The following PRKAR2B variants were observed in gnomAD, a reference collection of about 807,000 sequenced individuals.
PRKAR2B encodes the protein cAMP-dependent protein kinase type II-beta regulatory subunit.
PRKAR2B carries 14 observed loss-of-function variants against 49.9 expected under a neutral mutation model. That is an observed-to-expected ratio of 0.28 (90% CI 0.19 to 0.44). PRKAR2B has a LOEUF of 0.44. Among genes scored for constraint, PRKAR2B ranks in the 20% least tolerant of loss-of-function variants. The pLI is 1.00. For synonymous variants in PRKAR2B, 196 were observed against 197.7 expected (o/e 0.99, Z 0.07); for missense variants, 393 against 537.9 (o/e 0.73, Z 2.67).
At chr7:107,049,789 C>G (rs889102139) in intron 1 of PRKAR2B, among the ~76,000 whole-genome samples, 1 of 151,998 alleles carries the variant, frequency 6.6e-6, no homozygotes, top group African/African-American at 2.4e-5. Context: ...TAGCTAAGAG[C>G]TCCAGGATTT....
intron 2 of PRKAR2B, among the ~76,000 whole-genome samples, chr7:107,072,598 G>A (rs1794300697): frequency 6.6e-6 from 1 of 152,090 alleles, no homozygotes; most frequent in Admixed American, 6.6e-5. Flanking sequence ...AAATGTTTTT[G>A]ACAAAGAATA....
At chr7:107,102,431 A>T (rs568245084) in intron 2 of PRKAR2B, among the ~76,000 whole-genome samples, 13 of 152,028 alleles carry the variant, frequency 8.6e-5, no homozygotes, top group Non-Finnish European at 1.5e-4. Flanking sequence ...GCTTTGGGCC[A>T]CTCTGCCTGT....
Position 107,161,114 on chromosome 7 carries a change from A to G in PRKAR2B, c.*1532A>G, listed in dbSNP as rs1796189995. The G allele has an allele frequency of 6.6e-6, 1 of 152,250 alleles. No homozygotes were observed. The highest frequency in any genetic ancestry group is 2.4e-5 in the African/African-American group (1 of 41,472). 9.4% of individuals were successfully genotyped at this position (152,250 alleles called of 1,614,324 possible). On this transcript the variant is annotated 3_prime_UTR_variant, in exon 11 of 11. Transcript: ENST00000265717. ...TTAGAATGTTAATTGGATAATGTAT[A>G]TATAAGAAGTTAAAGTATGTAAAGT...
intron 2 of PRKAR2B, among the ~76,000 whole-genome samples, chr7:107,070,522 T>C (rs1450411385): frequency 6.6e-6 from 1 of 152,190 alleles, no homozygotes; most frequent in African/African-American, 2.4e-5. Context: ...TCAAATGCAA[T>C]TGAAAATGTG....
At chr7:107,145,097 T>C (rs1279073468) in intron 5 of PRKAR2B, among the ~76,000 whole-genome samples, 1 of 152,198 alleles carries the variant, frequency 6.6e-6, no homozygotes. Flanking sequence ...CAGAGTTAGA[T>C]ATCTAGTCTG....
intron 5 of PRKAR2B, among the ~76,000 whole-genome samples, chr7:107,143,726 T>A (rs1245801050): frequency 6.6e-6 from 1 of 152,200 alleles, no homozygotes; most frequent in Non-Finnish European, 1.5e-5. Context: ...TTTCTGGTGG[T>A]TCAATGTACA....
At chr7:107,137,423 G>A (rs886903226) in intron 4 of PRKAR2B, among the ~76,000 whole-genome samples, 1 of 152,168 alleles carries the variant, frequency 6.6e-6, no homozygotes, top group African/African-American at 2.4e-5. Context: ...CAACAGCAGA[G>A]CTTTTTGGTG....
intron 1 of PRKAR2B, among the ~76,000 whole-genome samples, chr7:107,050,688 G>A (rs561511221): frequency 6.6e-5 from 10 of 152,268 alleles, no homozygotes; most frequent in African/African-American, 1.9e-4. Context: ...GAAGACTGAA[G>A]TGACTAACTG....
At chr7:107,145,733 ATTT>A (rs916332834) in intron 5 of PRKAR2B, among the ~76,000 whole-genome samples, 6 of 93,418 alleles carry the variant, frequency 6.4e-5, no homozygotes, top group Non-Finnish European at 8.1e-5. Context: ...TCTTCAGATG[ATTT>A]TTTTTTTTTT....
At chr7:107,076,279 A>G (rs1338114856) in intron 2 of PRKAR2B, among the ~76,000 whole-genome samples, 4 of 152,176 alleles carry the variant, frequency 2.6e-5, no homozygotes, top group Non-Finnish European at 5.9e-5. Flanking sequence ...CGATACTATT[A>G]TCTCATACAG....
intron 2 of PRKAR2B, among the ~76,000 whole-genome samples, chr7:107,092,848 A>G (rs898381209): frequency 2.6e-5 from 4 of 152,084 alleles, no homozygotes; most frequent in African/African-American, 9.7e-5. Context: ...CACAAACTGA[A>G]ACTCCGTACC....
intron 1 of PRKAR2B, among the ~76,000 whole-genome samples, chr7:107,061,431 C>G (rs1158869115): frequency 6.6e-6 from 1 of 150,812 alleles, no homozygotes; most frequent in Non-Finnish European, 1.5e-5. Context: ...ATAATTTTCT[C>G]CATAAGGATT....
chr7:107,081,362 T>G (rs1410257402), intron 2 of PRKAR2B, among the ~76,000 whole-genome samples: 1 of 152,172 alleles, frequency 6.6e-6, no homozygotes, highest in Non-Finnish European at 1.5e-5. Flanking sequence ...TTTAAAAATC[T>G]AAACTGATAT....
Position 107,045,056 on chromosome 7 carries a change from G to C in PRKAR2B, c.149G>C (p.Arg50Pro). The C allele has an allele frequency of 6.5e-7, 1 of 1,544,722 alleles. No homozygotes were observed. Among genetic ancestry groups the C allele is most frequent in the Non-Finnish European group, 8.7e-7 (1 of 1,148,962 alleles). ...GAGAACGAGCGCAAAGGCACCGCGC[G>C]CTTCGGCCATGAGGGCAGGACCTGG... The part of the protein sequence containing the change: ...QQENERKGTA[R>P]FGHEGRTWGD... The change falls in exon 1 of 11, where the codon CGC becomes CCC. Residue 50 changes from arginine (R) to proline (P), a missense_variant. Transcript: ENST00000265717.
chr7:107,069,022 C>T (rs1794209137), intron 1 of PRKAR2B, among the ~76,000 whole-genome samples: 1 of 152,110 alleles, frequency 6.6e-6, no homozygotes, highest in Admixed American at 6.6e-5. Flanking sequence ...GCAACCTCTG[C>T]CTCCTGGGTT....
At chr7:107,123,558 A>T (rs1339817549) in intron 3 of PRKAR2B, among the ~76,000 whole-genome samples, 2 of 152,356 alleles carry the variant, frequency 1.3e-5, no homozygotes, top group South Asian at 2.1e-4. Context: ...GCAAGAGTGT[A>T]AGACTTAGCG....
intron 2 of PRKAR2B, 52 bp downstream of exon 2, chr7:107,070,368 A>T: frequency 6.9e-7 from 1 of 1,447,702 alleles, no homozygotes; most frequent in Non-Finnish European, 9.6e-7. Context: ...CATTTAAAAA[A>T]TGATAATATT....
At chr7:107,095,076 A>T (rs1028828964) in intron 2 of PRKAR2B, among the ~76,000 whole-genome samples, 16 of 152,132 alleles carry the variant, frequency 1.1e-4, no homozygotes. Context: ...GATGGCGTTG[A>T]GTCTGTGAAT....
chr7:107,050,840 T>C (rs1017577759), intron 1 of PRKAR2B, among the ~76,000 whole-genome samples: 4 of 152,132 alleles, frequency 2.6e-5, no homozygotes, highest in African/African-American at 9.7e-5. Context: ...ATTTACTCTC[T>C]TTAGACTTCA....
Sources: gnomAD v4.1 joint callset for allele counts (sites outside exome capture counted in the v4.1 genomes callset) on GRCh38, gnomAD v4.1.1 for gene constraint, MANE v1.5 for transcripts, NCBI Gene and HGNC (gene_info 2026-07-23, HGNC 2026-07-21) for gene names.